Variants in GAP43 observed in about 807,000 individuals in gnomAD.
GAP43 encodes neuromodulin.
GAP43 carries 6 observed loss-of-function variants against 18.6 expected under a neutral mutation model. The ratio of observed to expected loss-of-function variants is 0.32; its 90% CI spans 0.18 to 0.64. The LOEUF (loss-of-function observed/expected upper bound fraction) is 0.64. Among genes scored for constraint, GAP43 ranks in the 30% least tolerant of loss-of-function variants. The probability of loss-of-function intolerance (pLI) is 0.78; values close to 1 mark genes in which losing one functional copy is unlikely to be tolerated. For missense variants in GAP43, 292 were observed against 295.5 expected (o/e 0.99, Z 0.09); for synonymous variants, 115 against 111.4 (o/e 1.03, Z -0.20).
intron 2 of GAP43, among the ~76,000 whole-genome samples, chr3:115,678,602 A>G (rs1024292879): frequency 2.6e-5 from 4 of 152,160 alleles, no homozygotes; most frequent in African/African-American, 4.8e-5. Flanking sequence ...TCATTTATAT[A>G]TTTCTCTTGC....
intron 2 of GAP43, among the ~76,000 whole-genome samples, chr3:115,705,749 CA>C (rs753403971): frequency 1.1e-4 from 17 of 152,250 alleles, no homozygotes; most frequent in Non-Finnish European, 2.4e-4. Flanking sequence ...TACCAACAAA[CA>C]TGATTAGCCT....
chr3:115,633,186 TGAGAGAGAAA>T (rs1708284226), intron 1 of GAP43, among the ~76,000 whole-genome samples: 3 of 151,452 alleles, frequency 2.0e-5, no homozygotes, highest in Admixed American at 1.3e-4. Flanking sequence ...TTTTAAATGA[TGAGAGAGAAA>T]GAGAGAGATA....
chr3:115,687,036 A>G (rs1385178220), intron 2 of GAP43, among the ~76,000 whole-genome samples: 2 of 152,114 alleles, frequency 1.3e-5, no homozygotes, highest in Non-Finnish European at 2.9e-5. Context: ...TATATACACT[A>G]AACCCCAAAG....
chr3:115,630,134 C>T (rs1441179436), intron 1 of GAP43, among the ~76,000 whole-genome samples: 1 of 152,200 alleles, frequency 6.6e-6, no homozygotes, highest in African/African-American at 2.4e-5. Flanking sequence ...TACTTGCACT[C>T]ACTGCTTTGC....
chr3:115,675,479 T>C (rs1708869875), intron 1 of GAP43, among the ~76,000 whole-genome samples: 2 of 152,218 alleles, frequency 1.3e-5, no homozygotes, highest in African/African-American at 4.8e-5. Flanking sequence ...ATAATGCCAG[T>C]GGCCAGATGC....
intron 2 of GAP43, among the ~76,000 whole-genome samples, chr3:115,677,783 T>G (rs1485640713): frequency 6.6e-6 from 1 of 152,024 alleles, no homozygotes; most frequent in African/African-American, 2.4e-5. Flanking sequence ...TCCATGAGAG[T>G]GGTCTGAGGA....
chr3:115,650,429 T>A (rs1415753088), intron 1 of GAP43, among the ~76,000 whole-genome samples: 1 of 152,202 alleles, frequency 6.6e-6, no homozygotes, highest in African/African-American at 2.4e-5. Flanking sequence ...TCTACTGAAT[T>A]ACCTTTCAGT....
intron 2 of GAP43, among the ~76,000 whole-genome samples, chr3:115,704,098 T>G (rs1219326287): frequency 6.6e-6 from 1 of 152,112 alleles, no homozygotes; most frequent in African/African-American, 2.4e-5. Flanking sequence ...AGATGGAGAT[T>G]GCATTTATTT....
At chr3:115,697,661 A>G (rs759099321) in intron 2 of GAP43, among the ~76,000 whole-genome samples, 1 of 152,162 alleles carries the variant, frequency 6.6e-6, no homozygotes, top group Non-Finnish European at 1.5e-5. Context: ...CCATTTTAGC[A>G]AATTCAAAAC....
At chr3:115,664,064 C>T in intron 1 of GAP43, 1 of 744,638 alleles carries the variant, frequency 1.3e-6, no homozygotes, top group Non-Finnish European at 2.2e-6. Context: ...GATAATAGTA[C>T]CCATTGCATA....
chr3:115,659,898 A>G (rs1256296958), intron 1 of GAP43, among the ~76,000 whole-genome samples: 1 of 152,132 alleles, frequency 6.6e-6, no homozygotes, highest in Non-Finnish European at 1.5e-5. Flanking sequence ...TATTTTTAGC[A>G]GCCCCCTCCC....
At chr3:115,647,231 T>C (rs1310007365) in intron 1 of GAP43, among the ~76,000 whole-genome samples, 1 of 152,038 alleles carries the variant, frequency 6.6e-6, no homozygotes, top group Non-Finnish European at 1.5e-5. Flanking sequence ...CGGTCTATTA[T>C]ACAGAAGGCA....
In GAP43 at chr3:115,635,042, C is replaced by T. The variant is rs141017827; in HGVS notation, c.30+11323C>T. On this transcript the variant is annotated intron_variant, in intron 1 of 2. Coordinates refer to ENST00000305124, the MANE Select transcript of GAP43 (RefSeq NM_002045.4). ...CATAAGGGAGAATGATATTGTCTTA[C>T]TTAAAAAACACCAATTCTTTCTTTA... Among the ~76,000 whole-genome samples, 17 of 152,182 alleles carry T rather than the reference C, an allele frequency of 1.1e-4. No individual in the cohort carries two copies. The East Asian group carries it at 3.3e-3, about 29-fold the overall frequency.
intron 2 of GAP43, among the ~76,000 whole-genome samples, chr3:115,682,204 A>G (rs924382083): frequency 1.3e-5 from 2 of 152,200 alleles, no homozygotes; most frequent in Non-Finnish European, 2.9e-5. Context: ...TATTTCAAAA[A>G]TGCTCCAAGT....
chr3:115,668,226 C>T (rs1195470349), intron 1 of GAP43, among the ~76,000 whole-genome samples: 1 of 152,092 alleles, frequency 6.6e-6, no homozygotes, highest in Non-Finnish European at 1.5e-5. Flanking sequence ...TGGTACATGA[C>T]CAGCATGATT....
intron 1 of GAP43, among the ~76,000 whole-genome samples, chr3:115,642,332 C>G (rs1576979752): frequency 6.6e-6 from 1 of 151,954 alleles, no homozygotes; most frequent in East Asian, 1.9e-4. Flanking sequence ...TATTACAATC[C>G]TTTATTCATT....
At chr3:115,659,585 A>G (rs1708630661) in intron 1 of GAP43, among the ~76,000 whole-genome samples, 1 of 152,082 alleles carries the variant, frequency 6.6e-6, no homozygotes, top group Admixed American at 6.5e-5. Flanking sequence ...TCAGGTCCAC[A>G]TGAAAGGAGA....
intron 2 of GAP43, among the ~76,000 whole-genome samples, chr3:115,713,060 G>A (rs2107376928): frequency 6.6e-6 from 1 of 152,284 alleles, no homozygotes; most frequent in South Asian, 2.1e-4. Flanking sequence ...GTGGATCACA[G>A]TGACCACTGA....
chr3:115,661,917 T>C (rs939289336), intron 1 of GAP43, among the ~76,000 whole-genome samples: 5 of 144,522 alleles, frequency 3.5e-5, no homozygotes, highest in African/African-American at 1.0e-4. Context: ...GACCATTTCA[T>C]GAATTTCTCA....
Sources: allele counts gnomAD v4.1 joint callset (sites outside exome capture counted in the v4.1 genomes callset), GRCh38; gene constraint gnomAD v4.1.1; transcripts MANE v1.5; gene names NCBI Gene and HGNC (gene_info 2026-07-23, HGNC 2026-07-21).